The following NKAIN2 variants were observed in gnomAD, a reference collection of about 807,000 sequenced individuals.
NKAIN2 encodes the protein sodium/potassium-transporting ATPase subunit beta-1-interacting protein 2.
Under a neutral mutation model 32.6 loss-of-function variants are expected in NKAIN2, and 14 were observed. The observed-to-expected ratio is 0.43, with a 90% CI of 0.28 to 0.67. The LOEUF is 0.67. Ranked by LOEUF, NKAIN2 falls within the 30% of genes least tolerant of loss-of-function variation. NKAIN2 has a pLI of 0.17. For synonymous variants in NKAIN2, 80 were observed against 87.2 expected (o/e 0.92, Z 0.46); for missense variants, 198 against 258.3 (o/e 0.77, Z 1.60).
chr6:124,328,486 T>C (rs1374360747), intron 2 of NKAIN2, among the ~76,000 whole-genome samples: 1 of 152,196 alleles, frequency 6.6e-6, no homozygotes, highest in African/African-American at 2.4e-5. Context: ...TCTGTAGTGA[T>C]TTCCACACAT....
intron 6 of NKAIN2, chr6:124,819,084 A>G: frequency 1.1e-6 from 1 of 909,210 alleles, no homozygotes; most frequent in Non-Finnish European, 1.3e-6. Context: ...ATCTGTGTTT[A>G]GGCAAATTCC....
chr6:123,987,856 C>G (rs566626240), intron 1 of NKAIN2, among the ~76,000 whole-genome samples: 1 of 152,246 alleles, frequency 6.6e-6, no homozygotes, highest in South Asian at 2.1e-4. Flanking sequence ...AGCCATATCA[C>G]AGAACTTAAT....
At position 124,475,837 on chromosome 6, in the gene NKAIN2, C is replaced by T. The variant is rs572925455; in HGVS notation, c.273+120490C>T. ...GCATTTGAAGATTTTTGTGAGAGAA[C>T]TGATGAAGTACTTGCTTTTCTCAAA... On this transcript the variant is annotated intron_variant, in intron 3 of 6. Coordinates refer to ENST00000368417, the MANE Select transcript of NKAIN2 (RefSeq NM_001040214.3). Among the ~76,000 whole-genome samples the T allele has an allele frequency of 8.9e-4, 136 of 152,162 alleles. 1 individual carries two copies. The highest frequency in any genetic ancestry group is 3.2e-3 in the African/African-American group (134 of 41,520).
intron 1 of NKAIN2, among the ~76,000 whole-genome samples, chr6:123,937,683 C>A (rs368155591): frequency 5.3e-4 from 80 of 152,168 alleles, no homozygotes; most frequent in African/African-American, 1.9e-3. Flanking sequence ...TAGGGACGGC[C>A]TGCAGTGGTA....
At chr6:124,579,036 T>C (rs1781432492) in intron 3 of NKAIN2, among the ~76,000 whole-genome samples, 1 of 152,190 alleles carries the variant, frequency 6.6e-6, no homozygotes, top group Non-Finnish European at 1.5e-5. Flanking sequence ...TTATTGAGCT[T>C]GGGGTACTCC....
At chr6:124,302,664 C>G in intron 2 of NKAIN2, among the ~76,000 whole-genome samples, 1 of 151,956 alleles carries the variant, frequency 6.6e-6, no homozygotes, top group South Asian at 2.1e-4. Flanking sequence ...ATGTTCCAGG[C>G]ACTTTGGTAT....
chr6:124,293,549 A>G (rs533664328), intron 2 of NKAIN2, among the ~76,000 whole-genome samples: 2 of 152,296 alleles, frequency 1.3e-5, no homozygotes, highest in Admixed American at 1.3e-4. Flanking sequence ...TGATACTTTC[A>G]TGAATGGTAG....
chr6:123,908,306 C>T (rs1326573253), intron 1 of NKAIN2, among the ~76,000 whole-genome samples: 1 of 152,132 alleles, frequency 6.6e-6, no homozygotes, highest in Non-Finnish European at 1.5e-5. Flanking sequence ...AAGTCTGCTT[C>T]AGAATGTTTC....
intron 1 of NKAIN2, among the ~76,000 whole-genome samples, chr6:123,853,934 G>A (rs777753279): frequency 1.1e-4 from 16 of 151,918 alleles, no homozygotes; most frequent in Non-Finnish European, 2.1e-4. Flanking sequence ...CACCACACCC[G>A]GCTAATTTTG....
chr6:124,520,424 G>A lies in NKAIN2; in HGVS notation c.274-137762G>A, dbSNP rs145866398. Among the ~76,000 whole-genome samples the A allele has an allele frequency of 2.6e-3, 399 of 152,252 alleles. 1 individual carries two copies. Among genetic ancestry groups the A allele is most frequent in the Admixed American group, 6.8e-3 (104 of 15,296 alleles). On this transcript the variant is annotated intron_variant, in intron 3 of 6. Coordinates refer to ENST00000368417, the MANE Select transcript of NKAIN2 (RefSeq NM_001040214.3). ...AGAGAATATTCTTATTAAGAATTTT[G>A]AGTAGGCTATTAATAATTTCTAGTA...
chr6:124,182,416 T>C (rs1351484929), intron 1 of NKAIN2, among the ~76,000 whole-genome samples: 1 of 152,324 alleles, frequency 6.6e-6, no homozygotes. Flanking sequence ...AATCCATAAT[T>C]GTTACTATAT....
At chr6:123,888,196 C>T (rs60419060) in intron 1 of NKAIN2, among the ~76,000 whole-genome samples, 1 of 151,828 alleles carries the variant, frequency 6.6e-6, no homozygotes, top group Non-Finnish European at 1.5e-5. Flanking sequence ...ATATTGCAGC[C>T]AAAATGTGCT....
intron 1 of NKAIN2, among the ~76,000 whole-genome samples, chr6:124,163,449 G>C (rs1788376839): frequency 6.6e-6 from 1 of 151,934 alleles, no homozygotes; most frequent in Non-Finnish European, 1.5e-5. Context: ...ATGTGGAAAT[G>C]CAGGCATTTT....
intron 1 of NKAIN2, among the ~76,000 whole-genome samples, chr6:124,193,296 G>A (rs1368583163): frequency 6.6e-6 from 1 of 152,184 alleles, no homozygotes; most frequent in Non-Finnish European, 1.5e-5. Flanking sequence ...AAGCAGGGCA[G>A]CAAGGGGTGT....
chr6:124,490,810 T>C (rs1387327061), intron 3 of NKAIN2, among the ~76,000 whole-genome samples: 3 of 151,850 alleles, frequency 2.0e-5, no homozygotes, highest in Non-Finnish European at 4.4e-5. Context: ...TATCTTCCTG[T>C]AAATGAGAGC....
At chr6:123,932,610 G>T (rs1434199216) in intron 1 of NKAIN2, among the ~76,000 whole-genome samples, 1 of 151,502 alleles carries the variant, frequency 6.6e-6, no homozygotes, top group African/African-American at 2.4e-5. Context: ...GTAGAGACGG[G>T]GTTTCACCGT....
chr6:124,039,406 ATGTC>A (rs1424676481), intron 1 of NKAIN2, among the ~76,000 whole-genome samples: 2 of 151,850 alleles, frequency 1.3e-5, no homozygotes, highest in Non-Finnish European at 1.5e-5. Flanking sequence ...ATTTATATAT[ATGTC>A]TATGTATTTA....
intron 3 of NKAIN2, among the ~76,000 whole-genome samples, chr6:124,593,506 A>G (rs1233551020): frequency 6.6e-6 from 1 of 152,124 alleles, no homozygotes; most frequent in African/African-American, 2.4e-5. Flanking sequence ...GCTGAGGTTT[A>G]CAGTGTGTGG....
At chr6:124,574,543 C>CG (rs1300938216) in intron 3 of NKAIN2, among the ~76,000 whole-genome samples, 1 of 152,012 alleles carries the variant, frequency 6.6e-6, no homozygotes, top group Non-Finnish European at 1.5e-5. Context: ...CACTTAAACC[C>CG]GGGATGCAGA....
Sources: gnomAD v4.1 joint callset for allele counts (sites outside exome capture counted in the v4.1 genomes callset) on GRCh38, gnomAD v4.1.1 for gene constraint, MANE v1.5 for transcripts, NCBI Gene and HGNC (gene_info 2026-07-23, HGNC 2026-07-21) for gene names.